The following THSD7A variants were observed in gnomAD, a reference collection of about 807,000 sequenced individuals.
THSD7A encodes the protein thrombospondin type 1 domain containing 7A.
THSD7A carries 96 observed loss-of-function variants against 231.3 expected under a neutral mutation model. The ratio of observed to expected loss-of-function variants is 0.41; its 90% confidence interval spans 0.35 to 0.49. THSD7A has a LOEUF of 0.49. THSD7A is among the 20% of genes least tolerant of loss of function. The pLI is 0.05. For synonymous variants in THSD7A, 940 were observed against 743.3 expected, an observed-to-expected ratio of 1.26 and a Z score of -4.30; for missense variants, 2,290 against 2,070.2, an observed-to-expected ratio of 1.11 and a Z score of -2.06.
At chr7:11,684,732 A>G (rs914953670) in intron 1 of THSD7A, among the ~76,000 whole-genome samples, 1 of 152,000 alleles carries the variant, frequency 6.6e-6, no homozygotes, top group African/African-American at 2.4e-5. Flanking sequence ...AATAGATGAC[A>G]TAAATGGAAA....
intron 1 of THSD7A, among the ~76,000 whole-genome samples, chr7:11,767,190 G>A (rs993727869): frequency 6.6e-6 from 1 of 151,990 alleles, no homozygotes; most frequent in African/African-American, 2.4e-5. Context: ...TGTTTTTTGG[G>A]GTTTCAGAAA....
intron 1 of THSD7A, among the ~76,000 whole-genome samples, chr7:11,769,145 A>ATTTTTTTTT (rs1333399771): frequency 2.8e-5 from 1 of 36,004 alleles, no homozygotes; most frequent in African/African-American, 8.6e-5. Context: ...ATATATATAT[A>ATTTTTTTTT]TATATATATT....
rs183468630 is a variant in THSD7A, at chr7:11,488,237, T to C, written c.1823-6255A>G. ...TATGTTTTGTGTTCTTCAGAAATTA[T>C]CTTAAAAATTCACATTGACTTTTGA... On this transcript the variant is annotated intron_variant, in intron 6 of 27. Transcript: ENST00000423059. Among the ~76,000 whole-genome samples, 359 of 152,286 alleles carry C rather than the reference T, an allele frequency of 2.4e-3. 1 individual carries two copies. The highest frequency in any genetic ancestry group is 8.0e-3 in the African/African-American group (333 of 41,580).
intron 11 of THSD7A, among the ~76,000 whole-genome samples, chr7:11,454,573 T>C (rs897017539): frequency 6.6e-6 from 1 of 151,746 alleles, no homozygotes; most frequent in African/African-American, 2.4e-5. Flanking sequence ...CTCTTTTTTT[T>C]TTTTCAATTC....
At chr7:11,819,782 T>C (rs1243956456) in intron 1 of THSD7A, among the ~76,000 whole-genome samples, 1 of 152,104 alleles carries the variant, frequency 6.6e-6, no homozygotes, top group African/African-American at 2.4e-5. Flanking sequence ...GAATGTGCAA[T>C]CCAAAGAGTG....
At chr7:11,465,515 T>G (rs929723869) in intron 9 of THSD7A, among the ~76,000 whole-genome samples, 5 of 151,848 alleles carry the variant, frequency 3.3e-5, no homozygotes, top group African/African-American at 1.2e-4. Flanking sequence ...CTTAAGACAT[T>G]CAAAATAAAT....
intron 1 of THSD7A, among the ~76,000 whole-genome samples, chr7:11,682,678 T>C (rs745724776): frequency 6.6e-6 from 1 of 152,078 alleles, no homozygotes; most frequent in Non-Finnish European, 1.5e-5. Context: ...AACATCCTAT[T>C]GACAGCATTA....
chr7:11,744,922 T>C (rs1426892587), intron 1 of THSD7A, among the ~76,000 whole-genome samples: 2 of 152,138 alleles, frequency 1.3e-5, no homozygotes, highest in African/African-American at 4.8e-5. Flanking sequence ...TGTGTCTTTA[T>C]AGCAGCATGT....
At chr7:11,723,642 C>T (rs1350551137) in intron 1 of THSD7A, among the ~76,000 whole-genome samples, 1 of 151,666 alleles carries the variant, frequency 6.6e-6, no homozygotes, top group Non-Finnish European at 1.5e-5. Context: ...GAGCTATGTC[C>T]AGTTGGTTCT....
chr7:11,423,430 G>T (rs1267175777), intron 16 of THSD7A, among the ~76,000 whole-genome samples: 1 of 149,046 alleles, frequency 6.7e-6, no homozygotes. Flanking sequence ...GTGCAGTGGC[G>T]CGATCTCGGC....
At chr7:11,445,075 G>C (rs1784924112) in intron 13 of THSD7A, among the ~76,000 whole-genome samples, 1 of 151,628 alleles carries the variant, frequency 6.6e-6, no homozygotes. Flanking sequence ...ATTGTTTTCT[G>C]AACCATATAA....
intron 2 of THSD7A, among the ~76,000 whole-genome samples, chr7:11,629,410 A>G (rs895779592): frequency 2.6e-5 from 4 of 152,166 alleles, no homozygotes; most frequent in Non-Finnish European, 4.4e-5. Flanking sequence ...AGCTTGCGAG[A>G]CGTGATGATG....
At chr7:11,641,906 C>T (rs897567732) in intron 1 of THSD7A, among the ~76,000 whole-genome samples, 2 of 151,994 alleles carry the variant, frequency 1.3e-5, no homozygotes, top group African/African-American at 2.4e-5. Context: ...ACAGTACACA[C>T]GATGAAGGGC....
intron 13 of THSD7A, among the ~76,000 whole-genome samples, chr7:11,433,187 T>G (rs1784532194): frequency 6.6e-6 from 1 of 152,060 alleles, no homozygotes; most frequent in East Asian, 1.9e-4. Context: ...TAAAATAGAT[T>G]GCAGTGATCT....
At chr7:11,706,381 CA>C (rs146574106) in intron 1 of THSD7A, among the ~76,000 whole-genome samples, 1,554 of 150,338 alleles carry the variant, frequency 0.01, 21 homozygotes, top group African/African-American at 0.036. Flanking sequence ...TTGCAAGTGG[CA>C]AAAAAACATG....
chr7:11,542,575 C>T lies in THSD7A; in HGVS notation c.1609+387G>A, dbSNP rs914777489. ...GTTTATCTGATTGACTGCTTAGAGACAATCTGGATGGCAGATATTGTTACA... is the reference window on the plus strand; with the variant it reads ...GTTTATCTGATTGACTGCTTAGAGATAATCTGGATGGCAGATATTGTTACA... On this transcript the variant is annotated intron_variant, in intron 5 of 27. Coordinates refer to ENST00000423059, the MANE Select transcript of THSD7A (RefSeq NM_015204.3). Among the ~76,000 whole-genome samples the T allele has an allele frequency of 2.6e-5, 4 of 152,176 alleles. No individual in the cohort carries two copies. The East Asian group carries it at 5.8e-4, about 22-fold the overall frequency.
intron 6 of THSD7A, among the ~76,000 whole-genome samples, chr7:11,509,609 G>T (rs1338917991): frequency 6.6e-6 from 1 of 151,316 alleles, no homozygotes; most frequent in African/African-American, 2.4e-5. Flanking sequence ...GAGGCGGGTG[G>T]ATCACGAGGT....
chr7:11,792,292 G>A (rs1052280984), intron 1 of THSD7A, among the ~76,000 whole-genome samples: 6 of 151,922 alleles, frequency 3.9e-5, no homozygotes, highest in Non-Finnish European at 4.4e-5. Context: ...CTTTTTCACA[G>A]TCAGCAAAGT....
chr7:11,648,063 T>C (rs1344534217), intron 1 of THSD7A, among the ~76,000 whole-genome samples: 1 of 152,134 alleles, frequency 6.6e-6, no homozygotes, highest in Non-Finnish European at 1.5e-5. Context: ...ATATGCAATT[T>C]ATCTAGACTT....
Sources: gnomAD v4.1 joint callset for allele counts (sites outside exome capture counted in the v4.1 genomes callset) on GRCh38, gnomAD v4.1.1 for gene constraint, MANE v1.5 for transcripts, NCBI Gene and HGNC (gene_info 2026-07-23, HGNC 2026-07-21) for gene names.